Variants in GABRB3 observed in about 807,000 individuals in gnomAD.
GABRB3 encodes the protein gamma-aminobutyric acid receptor subunit beta-3.
In GABRB3, 14 loss-of-function variants were observed where a neutral mutation model predicts 52.1. The observed-to-expected ratio is 0.27, with a 90% confidence interval of 0.18 to 0.42. The LOEUF is 0.42. Ranked by LOEUF, GABRB3 falls within the 10% of genes least tolerant of loss-of-function variation. The probability of loss-of-function intolerance (pLI) is 1.00; values close to 1 mark genes in which losing one functional copy is unlikely to be tolerated. For synonymous variants in GABRB3, 260 were observed against 232.3 expected (o/e 1.12, Z -1.08); for missense variants, 307 against 609.1 (o/e 0.50, Z 5.22).
At position 26,724,119 on chromosome 15, in the gene GABRB3, AG is replaced by A. The variant is rs555436651; in HGVS notation, c.240+48282del. Among the ~76,000 whole-genome samples the A allele has an allele frequency of 2.0e-3, 297 of 152,270 alleles. 1 individual carries two copies. Among genetic ancestry groups the A allele is most frequent in the Non-Finnish European group, 3.4e-3 (230 of 68,036 alleles). On this transcript the variant is annotated intron_variant, in intron 3 of 8. Coordinates refer to ENST00000311550, the MANE Select transcript of GABRB3 (RefSeq NM_000814.6). ...TATTCATTTTTTGTTACTTATGCAG[AG>A]CTCTTCACCCACAACACTCTTCTGC...
At chr15:26,622,205 GAGAC>G (rs1892508528) in intron 3 of GABRB3, among the ~76,000 whole-genome samples, 1 of 152,120 alleles carries the variant, frequency 6.6e-6, no homozygotes, top group Admixed American at 6.5e-5. Context: ...TGGGAGGTGG[GAGAC>G]AGACAGGGCC....
intron 3 of GABRB3, among the ~76,000 whole-genome samples, chr15:26,665,961 A>G (rs113059883): frequency 0.032 from 4,803 of 152,296 alleles, 234 homozygotes; most frequent in African/African-American, 0.1. Context: ...AAGTAGGTTT[A>G]CAAGTATAAA....
At chr15:26,741,548 C>T (rs756593448) in intron 3 of GABRB3, among the ~76,000 whole-genome samples, 1 of 152,170 alleles carries the variant, frequency 6.6e-6, no homozygotes, top group Non-Finnish European at 1.5e-5. Flanking sequence ...GTCCATCCTA[C>T]GTATGCTGGT....
At chr15:26,679,467 T>C (rs1322072384) in intron 3 of GABRB3, among the ~76,000 whole-genome samples, 1 of 152,164 alleles carries the variant, frequency 6.6e-6, no homozygotes. Context: ...GTGGTGTCTA[T>C]TATACATTCA....
At chr15:26,629,037 C>G in intron 3 of GABRB3, 2 of 1,536,166 alleles carry the variant, frequency 1.3e-6, no homozygotes, top group Non-Finnish European at 1.7e-6. Context: ...TATCCCGGTG[C>G]TGAGGTCCCA....
At chr15:26,594,938 A>C (rs1891343302) in intron 4 of GABRB3, among the ~76,000 whole-genome samples, 1 of 152,254 alleles carries the variant, frequency 6.6e-6, no homozygotes, top group Non-Finnish European at 1.5e-5. Context: ...GCTAGGGCAC[A>C]CTTTCCTCTA....
intron 3 of GABRB3, among the ~76,000 whole-genome samples, chr15:26,766,714 T>G (rs1891006581): frequency 6.6e-6 from 1 of 151,646 alleles, no homozygotes; most frequent in Non-Finnish European, 1.5e-5. Context: ...CAACTCCAAC[T>G]GCAACCTACC....
chr15:26,683,718 G>A (rs541138434), intron 3 of GABRB3, among the ~76,000 whole-genome samples: 3 of 152,154 alleles, frequency 2.0e-5, no homozygotes, highest in African/African-American at 4.8e-5. Context: ...GCTCCTAGGG[G>A]GCAGGGTCGG....
intron 4 of GABRB3, among the ~76,000 whole-genome samples, chr15:26,610,268 G>A (rs1378814808): frequency 6.6e-6 from 1 of 152,144 alleles, no homozygotes; most frequent in Non-Finnish European, 1.5e-5. Flanking sequence ...TGGTTGAAGG[G>A]ATGGATTTGA....
At chr15:26,555,536 A>G (rs1412029580) in intron 8 of GABRB3, among the ~76,000 whole-genome samples, 2 of 152,184 alleles carry the variant, frequency 1.3e-5, no homozygotes, top group African/African-American at 4.8e-5. Context: ...TAGTGAAGGA[A>G]ACTTAGACTG....
intron 3 of GABRB3, among the ~76,000 whole-genome samples, chr15:26,705,881 C>T (rs966427102): frequency 2.0e-5 from 3 of 151,920 alleles, no homozygotes; most frequent in African/African-American, 7.3e-5. Context: ...ACAATAGATA[C>T]CAGAAACTCC....
intron 3 of GABRB3, among the ~76,000 whole-genome samples, chr15:26,760,507 A>C (rs1298375526): frequency 6.6e-6 from 1 of 152,180 alleles, no homozygotes; most frequent in African/African-American, 2.4e-5. Flanking sequence ...AGTATGGAGG[A>C]AATTGCCTAG....
chr15:26,685,795 T>C (rs1162421762), intron 3 of GABRB3, among the ~76,000 whole-genome samples: 1 of 130,150 alleles, frequency 7.7e-6, no homozygotes, highest in African/African-American at 2.6e-5. Context: ...AGTAGTAAGA[T>C]GGTCTTTTTT....
In GABRB3 at chr15:26,621,308, A is replaced by G; in HGVS notation, c.461+6T>C. 6.2e-7 allele frequency: 1 copy of G among 1,612,780 alleles called. No individual in the cohort carries two copies. The highest frequency in any genetic ancestry group is 8.5e-7 in the Non-Finnish European group (1 of 1,179,666). ...AGCAAAATTGGTCCTGAAGAGGCAC[A>G]CAGACCTGAGCCCATACAGCACTGT... On this transcript the variant is annotated splice_donor_region_variant and intron_variant, in intron 4 of 8. Coordinates refer to ENST00000311550, the MANE Select transcript of GABRB3 (RefSeq NM_000814.6). The surrounding 1 kb of genome is among the most constrained non-coding windows in gnomAD (Gnocchi z 4.1).
intron 3 of GABRB3, among the ~76,000 whole-genome samples, chr15:26,682,660 C>T (rs1888274941): frequency 6.6e-6 from 1 of 152,208 alleles, no homozygotes; most frequent in Non-Finnish European, 1.5e-5. Flanking sequence ...TCCCTTGCAC[C>T]TTAATGTCCT....
chr15:26,722,792 T>C (rs1889676717), intron 3 of GABRB3, among the ~76,000 whole-genome samples: 1 of 152,178 alleles, frequency 6.6e-6, no homozygotes, highest in African/African-American at 2.4e-5. Flanking sequence ...TGTGAGTCAC[T>C]GGATCCGAGG....
chr15:26,761,057 C>T (rs1198949521), intron 3 of GABRB3, among the ~76,000 whole-genome samples: 1 of 152,116 alleles, frequency 6.6e-6, no homozygotes, highest in Non-Finnish European at 1.5e-5. Flanking sequence ...CCCCGAGCTA[C>T]TATTAGTGAC....
chr15:26,716,501 T>C (rs1263778308), intron 3 of GABRB3: 1 of 709,772 alleles, frequency 1.4e-6, no homozygotes, highest in East Asian at 1.3e-4. Context: ...GAAACGATGC[T>C]CAGGGGGTTT....
At chr15:26,691,238 T>C (rs545816867) in intron 3 of GABRB3, among the ~76,000 whole-genome samples, 96 of 152,264 alleles carry the variant, frequency 6.3e-4, no homozygotes, top group African/African-American at 2.2e-3. Context: ...CTTTTTAATA[T>C]ATGAGTTTTG....
Sources: allele counts gnomAD v4.1 joint callset (sites outside exome capture counted in the v4.1 genomes callset), GRCh38; gene constraint gnomAD v4.1.1; non-coding constraint Gnocchi (gnomAD v3.1); transcripts MANE v1.5; gene names NCBI Gene and HGNC (gene_info 2026-07-23, HGNC 2026-07-21).